The following CNTN5 variants were observed in gnomAD, a reference collection of about 807,000 sequenced individuals.
CNTN5 encodes contactin-5.
Under a neutral mutation model 129.1 loss-of-function variants are expected in CNTN5, and 77 were observed. The observed-to-expected ratio is 0.60, with a 90% CI of 0.50 to 0.72. The LOEUF is 0.72. Among genes scored for constraint, CNTN5 ranks in the 30% least tolerant of loss-of-function variants. The pLI, the probability that CNTN5 is intolerant of heterozygous loss-of-function variation, is 0.00. For missense variants in CNTN5, 1,478 were observed against 1,328.8 expected (o/e 1.11, Z -1.75); for synonymous variants, 509 against 465.6 (o/e 1.09, Z -1.20).
At chr11:99,709,349 G>C (rs1441150339) in intron 3 of CNTN5, among the ~76,000 whole-genome samples, 1 of 151,630 alleles carries the variant, frequency 6.6e-6, no homozygotes, top group South Asian at 2.1e-4. Context: ...ACTAAAATTA[G>C]GTTAAATAAT....
At chr11:100,264,070 A>G (rs1394734008) in intron 17 of CNTN5, among the ~76,000 whole-genome samples, 1 of 152,002 alleles carries the variant, frequency 6.6e-6, no homozygotes, top group Admixed American at 6.6e-5. Flanking sequence ...ATATATATAC[A>G]TATGTGTGTA....
intron 8 of CNTN5, among the ~76,000 whole-genome samples, chr11:99,979,364 T>C (rs10894212): frequency 0.37 from 56,511 of 151,932 alleles, 11,687 homozygotes; most frequent in African/African-American, 0.56. Flanking sequence ...TTGAGTACAG[T>C]GCTGATGAAA....
chr11:100,054,097 T>G (rs2137760041), intron 9 of CNTN5, among the ~76,000 whole-genome samples: 1 of 151,790 alleles, frequency 6.6e-6, no homozygotes, highest in East Asian at 1.9e-4. Context: ...GAACTTGGGG[T>G]TTATAAAAAA....
rs548793714 is a variant in CNTN5 at position 100,318,787 on chromosome 11, G to C, written c.2730+10319G>C. ...GACATGGGCTTGCTTAATAAACTAG[G>C]AAATGAAGAAATTGTATAAAGTGTT... On this transcript the variant is annotated intron_variant, in intron 21 of 24. Transcript: ENST00000524871. 2.6e-5 allele frequency among the ~76,000 whole-genome samples: 4 copies of C among 152,152 alleles called. No homozygotes were observed. The South Asian group carries it at 8.3e-4, about 32-fold the overall frequency.
At chr11:99,634,858 T>C (rs1232580587) in intron 3 of CNTN5, among the ~76,000 whole-genome samples, 2 of 152,128 alleles carry the variant, frequency 1.3e-5, no homozygotes, top group Non-Finnish European at 2.9e-5. Context: ...GTCATCAATG[T>C]CCCTCCACCC....
chr11:99,408,380 A>AGAAAG (rs1555137696), intron 2 of CNTN5, among the ~76,000 whole-genome samples: 3 of 134,010 alleles, frequency 2.2e-5, no homozygotes, highest in Non-Finnish European at 3.1e-5. Context: ...AAAAAAAAAA[A>AGAAAG]AAAGAAAGAA....
intron 2 of CNTN5, among the ~76,000 whole-genome samples, chr11:99,431,701 G>T (rs1332203411): frequency 6.6e-6 from 1 of 152,230 alleles, no homozygotes; most frequent in Non-Finnish European, 1.5e-5. Flanking sequence ...GAGACAGGAG[G>T]TCTTAATCAA....
At chr11:99,504,747 C>G (rs989518439) in intron 2 of CNTN5, among the ~76,000 whole-genome samples, 6 of 152,076 alleles carry the variant, frequency 3.9e-5, no homozygotes, top group African/African-American at 1.4e-4. Flanking sequence ...ATTCTTCACT[C>G]TTTGAAACCT....
intron 3 of CNTN5, among the ~76,000 whole-genome samples, chr11:99,639,849 C>T (rs904147930): frequency 4.6e-5 from 7 of 152,070 alleles, no homozygotes; most frequent in African/African-American, 1.7e-4. Context: ...CCGGTGTGAG[C>T]CACCACGTCA....
At chr11:100,089,223 C>G (rs556724260) in intron 13 of CNTN5, among the ~76,000 whole-genome samples, 3 of 151,934 alleles carry the variant, frequency 2.0e-5, no homozygotes, top group Admixed American at 2.0e-4. Flanking sequence ...CTTGTAGATT[C>G]TGGATGTTAG....
At chr11:99,888,415 AAT>A (rs1439476433) in intron 6 of CNTN5, among the ~76,000 whole-genome samples, 1 of 152,226 alleles carries the variant, frequency 6.6e-6, no homozygotes, top group Non-Finnish European at 1.5e-5. Flanking sequence ...CTACTCTAAC[AAT>A]ATGTTAACTT....
At chr11:99,483,733 A>G (rs1320880933) in intron 2 of CNTN5, among the ~76,000 whole-genome samples, 2 of 152,124 alleles carry the variant, frequency 1.3e-5, no homozygotes, top group Non-Finnish European at 2.9e-5. Flanking sequence ...TAGAAAAAAA[A>G]GAAGCTAAAA....
At chr11:99,170,469 G>T (rs1354229009) in intron 1 of CNTN5, among the ~76,000 whole-genome samples, 2 of 152,110 alleles carry the variant, frequency 1.3e-5, no homozygotes, top group East Asian at 3.8e-4. Flanking sequence ...TTTTTCTAAG[G>T]TCTAAATAAG....
chr11:100,174,035 A>C (rs549583669), intron 13 of CNTN5, among the ~76,000 whole-genome samples: 5 of 152,250 alleles, frequency 3.3e-5, no homozygotes, highest in South Asian at 4.1e-4. Flanking sequence ...GCTAAGCTTT[A>C]CCTTTATAAC....
At chr11:100,235,706 G>A (rs552666816) in intron 16 of CNTN5, among the ~76,000 whole-genome samples, 62 of 152,214 alleles carry the variant, frequency 4.1e-4, no homozygotes, top group African/African-American at 1.5e-3. Context: ...GCATTAGGTC[G>A]CTTAATTGGG....
At chr11:99,382,844 A>AGTTTT (rs774797660) in intron 2 of CNTN5, among the ~76,000 whole-genome samples, 1,739 of 69,190 alleles carry the variant, frequency 0.025, 241 homozygotes, top group Middle Eastern at 0.033. Context: ...TCTCTAAATA[A>AGTTTT]CTTTTTTTTT....
chr11:100,274,462 C>T (rs1187765259), intron 18 of CNTN5, among the ~76,000 whole-genome samples: 8 of 152,080 alleles, frequency 5.3e-5, no homozygotes, highest in Non-Finnish European at 2.9e-5. Flanking sequence ...AAAATTTTTG[C>T]AAACTCTATA....
At chr11:99,252,850 G>A (rs1407492816) in intron 1 of CNTN5, among the ~76,000 whole-genome samples, 1 of 151,902 alleles carries the variant, frequency 6.6e-6, no homozygotes, top group African/African-American at 2.4e-5. Flanking sequence ...TGATTACAAT[G>A]AAGTTGAATA....
intron 1 of CNTN5, among the ~76,000 whole-genome samples, chr11:99,164,277 C>T (rs545642051): frequency 2.1e-3 from 313 of 146,970 alleles, no homozygotes; most frequent in African/African-American, 7.5e-3. Flanking sequence ...GAGCCGAGAT[C>T]GCGCCACTAT....
Sources: gnomAD v4.1 joint callset for allele counts (sites outside exome capture counted in the v4.1 genomes callset) on GRCh38, gnomAD v4.1.1 for gene constraint, MANE v1.5 for transcripts, NCBI Gene and HGNC (gene_info 2026-07-23, HGNC 2026-07-21) for gene names.